HIVEP3: variants seen among roughly 807,000 people sequenced by gnomAD.
The protein encoded by HIVEP3 is HIVEP zinc finger 3, also known as transcription factor HIVEP3.
In HIVEP3, 49 loss-of-function variants were observed where a neutral mutation model predicts 152.8. That is an observed-to-expected ratio of 0.32 (90% CI 0.26 to 0.41). The LOEUF (loss-of-function observed/expected upper bound fraction) is 0.41, where lower values mean the gene tolerates loss of function less well. HIVEP3 is among the 10% of genes least tolerant of loss of function. The pLI is 1.00. For synonymous variants in HIVEP3, 1,269 were observed against 1,289.0 expected (o/e 0.98, Z 0.33); for missense variants, 2,790 against 3,103.3 (o/e 0.90, Z 2.40).
chr1:41,946,219 A>G (rs1158896320), intron 1 of HIVEP3, among the ~76,000 whole-genome samples: 1 of 152,188 alleles, frequency 6.6e-6, no homozygotes, highest in Non-Finnish European at 1.5e-5. Flanking sequence ...ATGTCAAGGG[A>G]ATCACTGGAA....
chr1:41,948,028 A>G (rs192101215), intron 1 of HIVEP3, among the ~76,000 whole-genome samples: 21 of 152,356 alleles, frequency 1.4e-4, no homozygotes, highest in Non-Finnish European at 2.9e-4. Flanking sequence ...TTTCTTCCAG[A>G]CAATGAAGAA....
chr1:41,989,399 G>A (rs1023972840), intron 1 of HIVEP3, among the ~76,000 whole-genome samples: 3 of 151,922 alleles, frequency 2.0e-5, no homozygotes, highest in African/African-American at 7.3e-5. Context: ...AATAAACAAG[G>A]AATCATAGAG....
chr1:41,758,009 G>C (rs1647427757), intron 1 of HIVEP3, among the ~76,000 whole-genome samples: 1 of 152,170 alleles, frequency 6.6e-6, no homozygotes, highest in African/African-American at 2.4e-5. Flanking sequence ...ACCGCTCCCA[G>C]CCTACTTTCT....
In HIVEP3 at chr1:41,668,915, A is replaced by G. The variant is rs191352966; in HGVS notation, c.-721+32001T>C. ...GCTTGGTACCTACTAGGTGCTCAATAAACAGGGCACCTGGAAGGCTTTCTC... is the reference window on the plus strand; with the variant it reads ...GCTTGGTACCTACTAGGTGCTCAATGAACAGGGCACCTGGAAGGCTTTCTC... On this transcript the variant is annotated intron_variant, in intron 2 of 8. Transcript: ENST00000372583. 6.6e-5 allele frequency among the ~76,000 whole-genome samples: 10 copies of G among 152,264 alleles called. No homozygotes were observed. In the East Asian group the frequency reaches 1.9e-3, roughly 29 times the overall value.
intron 1 of HIVEP3, among the ~76,000 whole-genome samples, chr1:41,982,701 G>A (rs970235834): frequency 2.6e-5 from 4 of 152,216 alleles, no homozygotes; most frequent in African/African-American, 7.2e-5. Context: ...ATTACTTGCC[G>A]ACAGAATTGG....
chr1:41,580,652 C>G lies in HIVEP3; in HGVS notation c.4146G>C (p.Gly1382=). 6.2e-7 allele frequency: 1 copy of G among 1,614,026 alleles called. No individual in the cohort carries two copies. Among genetic ancestry groups the G allele is most frequent in the Non-Finnish European group, 8.5e-7 (1 of 1,179,970 alleles). The change falls in exon 4 of 9, where the codon GGG becomes GGC. Residue 1382 remains glycine (G), a synonymous_variant. Transcript: ENST00000372583. ...DVHEVGPGPS[G]LSEEQSRAFP... is the part of the protein sequence containing the mutation. ...AAGCTCTGCTTTGCTCTTCACTTAA[C>G]CCAGAAGGGCCGGGCCCAACCTCAT...
rs1211261503 is a variant in HIVEP3, at chr1:41,533,382, A to G, written c.5208-8472T>C. Among the ~76,000 whole-genome samples the G allele has an allele frequency of 6.6e-6, 1 of 151,894 alleles. No individual in the cohort carries two copies. The highest frequency in any genetic ancestry group is 6.6e-5 in the Admixed American group (1 of 15,254). Reference sequence around the variant, plus strand: ...CTCCTAGCCCCTTCCACCACCACAGACACAAGCCCAGCTCTCTTCCCATCA... The same window carrying G: ...CTCCTAGCCCCTTCCACCACCACAGGCACAAGCCCAGCTCTCTTCCCATCA... On this transcript the variant is annotated intron_variant, in intron 5 of 8. Transcript: ENST00000372583. This position sits in a 1 kb window ranked among gnomAD's most constrained non-coding sequence, Gnocchi z 4.3.
At chr1:41,968,426 T>C (rs1022766331) in intron 1 of HIVEP3, among the ~76,000 whole-genome samples, 1 of 152,150 alleles carries the variant, frequency 6.6e-6, no homozygotes, top group African/African-American at 2.4e-5. Flanking sequence ...ATAAATGTAA[T>C]TCATCACATA....
rs146533507 is a variant in HIVEP3, at chr1:41,512,717, A to T, written c.6405+99T>A. The T allele has an allele frequency of 2.4e-4, 227 of 932,650 alleles. 1 individual carries two copies. In the Middle Eastern group the frequency reaches 3.5e-3, roughly 14 times the overall value. 57.8% of individuals were successfully genotyped at this position (932,650 alleles called of 1,614,324 possible). A position where few individuals can be genotyped will look rare whatever the true frequency, so the allele number is the denominator to read the frequency against. On this transcript the variant is annotated intron_variant, in intron 8 of 8. Coordinates refer to ENST00000372583, the MANE Select transcript of HIVEP3 (RefSeq NM_024503.5). ...TTATTAATAACTACTGAGCTGGCAG[A>T]GCTGTTTAGTTCCAGGTGTGATACC...
At chr1:41,935,454 A>G (rs982678340) in intron 1 of HIVEP3, among the ~76,000 whole-genome samples, 3 of 152,102 alleles carry the variant, frequency 2.0e-5, no homozygotes, top group Non-Finnish European at 4.4e-5. Flanking sequence ...AGCATCAGAA[A>G]TGCCTTATTA....
At chr1:41,895,811 G>A (rs1289994195) in intron 1 of HIVEP3, among the ~76,000 whole-genome samples, 1 of 152,130 alleles carries the variant, frequency 6.6e-6, no homozygotes, top group Non-Finnish European at 1.5e-5. Flanking sequence ...CTTTATATTA[G>A]GAGAATGAGA....
intron 1 of HIVEP3, among the ~76,000 whole-genome samples, chr1:41,900,834 AG>A: frequency 6.6e-6 from 1 of 152,230 alleles, no homozygotes; most frequent in African/African-American, 2.4e-5. Context: ...GAGTGGCCGG[AG>A]GTGAGGCTGG....
intron 1 of HIVEP3, among the ~76,000 whole-genome samples, chr1:41,905,690 A>AATTGTCT (rs1259128175): frequency 6.6e-6 from 1 of 152,208 alleles, no homozygotes; most frequent in African/African-American, 2.4e-5. Context: ...TTCTATGCCA[A>AATTGTCT]ATTGTCTCTA....
At chr1:41,812,861 G>T (rs1015536848) in intron 1 of HIVEP3, among the ~76,000 whole-genome samples, 1 of 132,794 alleles carries the variant, frequency 7.5e-6, no homozygotes, top group African/African-American at 2.8e-5. Flanking sequence ...CTCCTTAAAT[G>T]CAGCCTAGCA....
intron 2 of HIVEP3, among the ~76,000 whole-genome samples, chr1:41,641,794 C>A (rs1645377839): frequency 6.6e-6 from 1 of 152,194 alleles, no homozygotes; most frequent in African/African-American, 2.4e-5. Context: ...CTGGCAGGTC[C>A]ACTCTTAGTG....
chr1:41,650,564 T>G (rs12128959), intron 2 of HIVEP3, among the ~76,000 whole-genome samples: 23 of 19,238 alleles, frequency 1.2e-3, no homozygotes, highest in African/African-American at 1.5e-3. Context: ...GTTTTCTGGG[T>G]TTTTTTTTTT....
chr1:41,871,993 C>T (rs1043550828), intron 1 of HIVEP3, among the ~76,000 whole-genome samples: 3 of 152,104 alleles, frequency 2.0e-5, no homozygotes, highest in Admixed American at 2.0e-4. Context: ...CAGTAAAATG[C>T]AACCATTTCA....
chr1:41,870,411 T>C (rs1409582580), intron 1 of HIVEP3, among the ~76,000 whole-genome samples: 1 of 152,208 alleles, frequency 6.6e-6, no homozygotes, highest in Non-Finnish European at 1.5e-5. Context: ...TTACTGTCTG[T>C]CACCCTCCCT....
In HIVEP3 at chr1:41,961,456, C is replaced by T. The variant is rs72671301; in HGVS notation, n.120-42932G>A. Reference sequence around the variant, plus strand: ...ACATCACTGTTTTGGGTCAATAGCACTTGCATCTTGTATTTCTGCCATCAC... The same window carrying T: ...ACATCACTGTTTTGGGTCAATAGCATTTGCATCTTGTATTTCTGCCATCAC... On this transcript the variant is annotated intron_variant and non_coding_transcript_variant, in intron 1 of 3. Coordinates refer to the HIVEP3 transcript ENST00000489103. Among the ~76,000 whole-genome samples, 1,162 of 152,372 alleles carry T rather than the reference C, an allele frequency of 7.6e-3. 15 individuals are homozygous for T. Among genetic ancestry groups the T allele is most frequent in the African/African-American group, 0.026 (1,080 of 41,586 alleles).
Sources: gnomAD v4.1 joint callset for allele counts (sites outside exome capture counted in the v4.1 genomes callset) on GRCh38, gnomAD v4.1.1 for gene constraint, Gnocchi (gnomAD v3.1) non-coding constraint, MANE v1.5 for transcripts, NCBI Gene and HGNC (gene_info 2026-07-23, HGNC 2026-07-21) for gene names.